Variants in COLEC12 observed in about 807,000 individuals in gnomAD.
The protein encoded by COLEC12 is collectin subfamily member 12, also known as collectin-12.
COLEC12 carries 33 observed loss-of-function variants against 71.1 expected under a neutral mutation model. The ratio of observed to expected loss-of-function variants is 0.46; its 90% CI spans 0.35 to 0.62. The LOEUF (loss-of-function observed/expected upper bound fraction) is 0.62. Ranked by LOEUF, COLEC12 falls within the 20% of genes least tolerant of loss-of-function variation. The pLI is 0.00. For synonymous variants in COLEC12, 350 were observed against 353.0 expected (o/e 0.99, Z 0.10); for missense variants, 765 against 916.1 (o/e 0.84, Z 2.13).
intron 1 of COLEC12, among the ~76,000 whole-genome samples, chr18:484,814 C>T (rs755714441): frequency 3.3e-5 from 5 of 152,180 alleles, no homozygotes; most frequent in Admixed American, 1.3e-4. Flanking sequence ...ACAGTTTACT[C>T]GCTTAGGTGT....
chr18:338,500 A>G (rs1914169533), intron 5 of COLEC12, among the ~76,000 whole-genome samples: 1 of 152,106 alleles, frequency 6.6e-6, no homozygotes, highest in African/African-American at 2.4e-5. Flanking sequence ...TCATAAGGAG[A>G]TCCATCTTTC....
chr18:390,323 G>A (rs1336458636), intron 2 of COLEC12, among the ~76,000 whole-genome samples: 1 of 152,334 alleles, frequency 6.6e-6, no homozygotes, highest in African/African-American at 2.4e-5. Flanking sequence ...AAAAGAGGCA[G>A]GATGACAAAC....
chr18:467,488 GT>G (rs1042743735), intron 2 of COLEC12, among the ~76,000 whole-genome samples: 20 of 152,180 alleles, frequency 1.3e-4, no homozygotes, highest in African/African-American at 4.3e-4. Flanking sequence ...GTGGGTTTAT[GT>G]TTTTTGTCCA....
chr18:353,055 T>G (rs1010062933), intron 3 of COLEC12, among the ~76,000 whole-genome samples: 5 of 152,212 alleles, frequency 3.3e-5, no homozygotes, highest in Non-Finnish European at 7.3e-5. Flanking sequence ...TTCTCTAGGA[T>G]ACTCTGACAA....
At chr18:496,413 A>G (rs1917713550) in intron 1 of COLEC12, among the ~76,000 whole-genome samples, 1 of 152,228 alleles carries the variant, frequency 6.6e-6, no homozygotes. Context: ...GTATAATTAG[A>G]TTGTAAATTT....
intron 2 of COLEC12, among the ~76,000 whole-genome samples, chr18:384,326 G>A (rs1045122841): frequency 4.6e-5 from 7 of 152,052 alleles, no homozygotes; most frequent in African/African-American, 1.2e-4. Flanking sequence ...TACCCATTCC[G>A]GGCCACTAAC....
At chr18:384,759 C>T (rs1049440779) in intron 2 of COLEC12, among the ~76,000 whole-genome samples, 4 of 152,104 alleles carry the variant, frequency 2.6e-5, no homozygotes, top group African/African-American at 9.7e-5. Flanking sequence ...TCTAGGGGCT[C>T]AATGGTTTGT....
At chr18:451,877 G>C (rs192464610) in intron 2 of COLEC12, among the ~76,000 whole-genome samples, 3 of 152,310 alleles carry the variant, frequency 2.0e-5, no homozygotes. Flanking sequence ...AGGAAATCAA[G>C]GTGCCTACAG....
At chr18:367,709 G>C (rs1326630546) in intron 2 of COLEC12, among the ~76,000 whole-genome samples, 1 of 152,196 alleles carries the variant, frequency 6.6e-6, no homozygotes, top group Non-Finnish European at 1.5e-5. Context: ...TATTTTAATA[G>C]AGTATTGGCC....
At chr18:473,314 A>C (rs2143757862) in intron 2 of COLEC12, among the ~76,000 whole-genome samples, 1 of 152,264 alleles carries the variant, frequency 6.6e-6, no homozygotes, top group East Asian at 1.9e-4. Flanking sequence ...CCATGGCCCA[A>C]GGACAGCTTT....
chr18:452,220 T>C (rs925448032), intron 2 of COLEC12, among the ~76,000 whole-genome samples: 7 of 152,190 alleles, frequency 4.6e-5, no homozygotes, highest in African/African-American at 7.2e-5. Context: ...TTGTGCTCAA[T>C]ATATGATTTA....
At chr18:413,231 A>C (rs1224101125) in intron 2 of COLEC12, among the ~76,000 whole-genome samples, 2 of 152,228 alleles carry the variant, frequency 1.3e-5, no homozygotes, top group Non-Finnish European at 2.9e-5. Context: ...TGGATGGCAA[A>C]TAAACACATA....
chr18:349,588 G>T lies in COLEC12; in HGVS notation c.182-1425C>A, dbSNP rs1289997362. ...GCCACCGTCCTCCAGACCCCAGAAGGGTAGATCCACTGACAGTTTGCACCG... is the reference window on the plus strand; with the variant it reads ...GCCACCGTCCTCCAGACCCCAGAAGTGTAGATCCACTGACAGTTTGCACCG... On this transcript the variant is annotated intron_variant, in intron 3 of 9. Coordinates refer to ENST00000400256, the MANE Select transcript of COLEC12 (RefSeq NM_130386.3). 3.3e-5 allele frequency among the ~76,000 whole-genome samples: 5 copies of T among 152,274 alleles called. No individual in the cohort carries two copies. In the East Asian group the frequency reaches 9.6e-4, roughly 29 times the overall value.
intron 1 of COLEC12, among the ~76,000 whole-genome samples, chr18:484,620 C>T (rs1180488475): frequency 6.6e-6 from 1 of 152,126 alleles, no homozygotes; most frequent in African/African-American, 2.4e-5. Context: ...GAAAACACTG[C>T]ATATTACATC....
rs920610471 is a variant in COLEC12, at chr18:451,513, C to T, written c.58+29194G>A. 5.3e-5 allele frequency among the ~76,000 whole-genome samples: 8 copies of T among 152,104 alleles called. 1 individual carries two copies. In the South Asian group the frequency reaches 1.2e-3, roughly 24 times the overall value. On this transcript the variant is annotated intron_variant, in intron 2 of 9. Coordinates refer to ENST00000400256, the MANE Select transcript of COLEC12 (RefSeq NM_130386.3). ...CTGTAATCCCAGCACTTTGGGAGGC[C>T]GAGGTGGGTGGATCACAAGGTCAGG...
At chr18:350,469 T>G (rs1183901861) in intron 3 of COLEC12, among the ~76,000 whole-genome samples, 1 of 152,204 alleles carries the variant, frequency 6.6e-6, no homozygotes, top group African/African-American at 2.4e-5. Flanking sequence ...CTTCAGTTCT[T>G]ATTCATTTTC....
intron 5 of COLEC12, among the ~76,000 whole-genome samples, chr18:339,416 C>T (rs892962105): frequency 2.0e-5 from 3 of 152,158 alleles, no homozygotes; most frequent in Non-Finnish European, 4.4e-5. Context: ...ACAGACAGCA[C>T]AAGATTTCAG....
chr18:325,740 T>A (rs766289889), intron 8 of COLEC12, among the ~76,000 whole-genome samples: 6 of 143,378 alleles, frequency 4.2e-5, no homozygotes, highest in Non-Finnish European at 9.0e-5. Flanking sequence ...CACAGCTCAC[T>A]GCAGCCTCAA....
intron 2 of COLEC12, among the ~76,000 whole-genome samples, chr18:465,334 C>T (rs1360615155): frequency 6.6e-6 from 1 of 152,156 alleles, no homozygotes; most frequent in Non-Finnish European, 1.5e-5. Flanking sequence ...GACTCCTGAC[C>T]TCAAGTGATC....
Sources: allele counts gnomAD v4.1 joint callset (sites outside exome capture counted in the v4.1 genomes callset), GRCh38; gene constraint gnomAD v4.1.1; transcripts MANE v1.5; gene names NCBI Gene and HGNC (gene_info 2026-07-23, HGNC 2026-07-21).